TENM1: variants seen among roughly 807,000 people sequenced by gnomAD.
TENM1 encodes the protein teneurin-1.
TENM1 carries 35 observed loss-of-function variants against 174.8 expected under a neutral mutation model. The observed-to-expected ratio is 0.20, with a 90% confidence interval of 0.15 to 0.27. The LOEUF (loss-of-function observed/expected upper bound fraction) is 0.27. TENM1 is among the 10% of genes least tolerant of loss of function. TENM1 has a pLI of 1.00. For synonymous variants in TENM1, 781 were observed against 798.7 expected (o/e 0.98, Z 0.37); for missense variants, 1,633 against 2,130.1 (o/e 0.77, Z 4.59).
At chrX:124,757,775 T>C (rs1216486741) in intron 3 of TENM1, among the ~76,000 whole-genome samples, 1 of 112,504 alleles carries the variant, frequency 8.9e-6, no homozygotes, top group Non-Finnish European at 1.9e-5. Flanking sequence ...AATTGAATGT[T>C]ATTTTATATT....
chrX:124,390,758 A>G (rs1462080209), intron 28 of TENM1, among the ~76,000 whole-genome samples: 1 of 112,116 alleles, frequency 8.9e-6, no homozygotes, highest in African/African-American at 3.3e-5. Context: ...ATACCAGCAA[A>G]TTTTTGGATT....
intron 6 of TENM1, among the ~76,000 whole-genome samples, chrX:124,668,000 T>C (rs1488881240): frequency 1.8e-5 from 2 of 111,788 alleles, no homozygotes; most frequent in Non-Finnish European, 3.8e-5. Context: ...TTTGCATTTC[T>C]CTGATGGCCA....
intron 3 of TENM1, among the ~76,000 whole-genome samples, chrX:124,796,791 T>C (rs2055313976): frequency 8.9e-6 from 1 of 111,773 alleles, no homozygotes; most frequent in Non-Finnish European, 1.9e-5. Flanking sequence ...ACTTAAGGAA[T>C]TTGACATTTA....
chrX:124,868,156 A>G (rs1358137493), intron 3 of TENM1, among the ~76,000 whole-genome samples: 5 of 112,402 alleles, frequency 4.4e-5, no homozygotes, highest in African/African-American at 1.6e-4. Flanking sequence ...GAACGATAAA[A>G]GAGCCAGAAT....
chrX:124,859,538 T>C (rs1302403945), intron 3 of TENM1, among the ~76,000 whole-genome samples: 2 of 99,864 alleles, frequency 2.0e-5, no homozygotes, highest in Admixed American at 1.1e-4. Context: ...GGTGAGACCC[T>C]GTCTCAAAAA....
intron 8 of TENM1, among the ~76,000 whole-genome samples, chrX:124,650,787 C>A (rs2051286078): frequency 8.9e-6 from 1 of 111,773 alleles, no homozygotes; most frequent in African/African-American, 3.2e-5. Flanking sequence ...AATTTATTTT[C>A]TATTTTAACA....
intron 15 of TENM1, among the ~76,000 whole-genome samples, chrX:124,540,543 T>C (rs1048335834): frequency 8.9e-6 from 1 of 111,955 alleles, no homozygotes; most frequent in Non-Finnish European, 1.9e-5. Context: ...CTTGGGTCAA[T>C]AATTTGTTTT....
At chrX:124,881,309 T>G (rs2057297285) in intron 3 of TENM1, among the ~76,000 whole-genome samples, 1 of 112,075 alleles carries the variant, frequency 8.9e-6, no homozygotes, top group African/African-American at 3.2e-5. Context: ...ATCCAGTTTG[T>G]TAGTGTATAG....
chrX:124,603,075 T>C (rs2213415), intron 11 of TENM1, among the ~76,000 whole-genome samples: 24,727 of 89,525 alleles, frequency 0.28, 2,082 homozygotes, highest in South Asian at 0.62. Flanking sequence ...CACTAAGGAA[T>C]GCTGCCAGCC....
At chrX:125,118,289 G>GATGGGTAC in the TENM1 span, among the ~76,000 whole-genome samples, 1 of 110,876 alleles carries the variant, frequency 9.0e-6, no homozygotes, top group African/African-American at 3.3e-5. Context: ...CTATTTGGGG[G>GATGGGTAC]ATGGGTACAC....
intron 5 of TENM1, among the ~76,000 whole-genome samples, chrX:124,675,812 G>A (rs1051424258): frequency 9.1e-6 from 1 of 110,296 alleles, no homozygotes; most frequent in Non-Finnish European, 1.9e-5. Context: ...TAAGTGCTAT[G>A]AAGGTAAAAA....
chrX:124,760,573 C>T (rs2054384373), intron 3 of TENM1, among the ~76,000 whole-genome samples: 1 of 111,825 alleles, frequency 8.9e-6, no homozygotes, highest in African/African-American at 3.2e-5. Context: ...AAATGTTAGA[C>T]CTAAAACCAA....
the TENM1 span, among the ~76,000 whole-genome samples, chrX:124,974,068 T>A: frequency 9.8e-6 from 1 of 101,641 alleles, no homozygotes; most frequent in South Asian, 4.3e-4. Context: ...TGCACATGTA[T>A]CCCAGAACTC....
chrX:124,964,298 G>A (rs942111109), upstream of TENM1, among the ~76,000 whole-genome samples: 1 of 111,794 alleles, frequency 8.9e-6, no homozygotes, highest in African/African-American at 3.3e-5. Context: ...TAAGACAGGG[G>A]CTCTGAGTAA....
intron 3 of TENM1, among the ~76,000 whole-genome samples, chrX:124,742,850 C>T (rs888346795): frequency 1.8e-5 from 2 of 110,961 alleles, no homozygotes; most frequent in Non-Finnish European, 3.8e-5. Context: ...AGAGTTATTG[C>T]CATACTACTT....
At chrX:124,690,692 G>A (rs1158736585) in intron 5 of TENM1, among the ~76,000 whole-genome samples, 2 of 110,481 alleles carry the variant, frequency 1.8e-5, no homozygotes, top group Non-Finnish European at 3.8e-5. Flanking sequence ...TAATAAGTGA[G>A]TTATCTTCTT....
At chrX:124,872,845 C>T (rs73215156) in intron 3 of TENM1, among the ~76,000 whole-genome samples, 5,051 of 110,980 alleles carry the variant, frequency 0.046, 134 homozygotes, top group East Asian at 0.13. Flanking sequence ...TTCAAGCAAA[C>T]AAGAAAGTAT....
chrX:124,974,902 A>ATATATATATATATATATATATATAT, the TENM1 span, among the ~76,000 whole-genome samples: 37 of 91,955 alleles, frequency 4.0e-4, no homozygotes, highest in Non-Finnish European at 7.2e-4. Flanking sequence ...ATATATATAT[A>ATATATATATATATATATATATATAT]AAATAATTTT....
intron 22 of TENM1, among the ~76,000 whole-genome samples, chrX:124,462,203 T>C (rs182908397): frequency 1.8e-5 from 2 of 109,974 alleles, no homozygotes; most frequent in Non-Finnish European, 3.8e-5. Context: ...ACTGAGTTTC[T>C]GTATGGATTA....
Sources: allele counts gnomAD v4.1 joint callset (sites outside exome capture counted in the v4.1 genomes callset), GRCh38; gene constraint gnomAD v4.1.1; transcripts MANE v1.5; gene names NCBI Gene and HGNC (gene_info 2026-07-23, HGNC 2026-07-21).